QNG1: variants seen among roughly 807,000 people sequenced by gnomAD.
QNG1 encodes queuosine 5'-phosphate N-glycosylase/hydrolase.
At chr9:83,956,036 G>T in the QNG1 span, 1 of 852,862 alleles carries the variant, frequency 1.2e-6, no homozygotes, top group Non-Finnish European at 1.8e-6. Flanking sequence ...ATAAGGACTT[G>T]CAACGAACTT....
chr9:83,955,251 T>C, the QNG1 span: 1 of 922,448 alleles, frequency 1.1e-6, no homozygotes, highest in South Asian at 1.8e-5. Flanking sequence ...CACTACTTGA[T>C]TTTGTTAGTT....
the QNG1 span, among the ~76,000 whole-genome samples, chr9:83,954,363 G>A: frequency 6.6e-6 from 1 of 152,190 alleles, no homozygotes; most frequent in East Asian, 1.9e-4. Flanking sequence ...AGGAAGTAAA[G>A]AATGAAATAT....
At chr9:83,943,126 G>A in the QNG1 span, among the ~76,000 whole-genome samples, 1 of 151,998 alleles carries the variant, frequency 6.6e-6, no homozygotes, top group Non-Finnish European at 1.5e-5. Flanking sequence ...TGGATCATGA[G>A]GTCAGGAGTT....
At chr9:83,952,477 T>C in the QNG1 span, among the ~76,000 whole-genome samples, 2 of 152,162 alleles carry the variant, frequency 1.3e-5, no homozygotes, top group East Asian at 1.9e-4. Flanking sequence ...CTGGCCAATA[T>C]GGTGAAACCC....
chr9:83,941,186 T>C, the QNG1 span, among the ~76,000 whole-genome samples: 1 of 152,200 alleles, frequency 6.6e-6, no homozygotes, highest in Non-Finnish European at 1.5e-5. Flanking sequence ...GGATCATAAA[T>C]GTCTGTTGTT....
chr9:83,947,839 C>T, the QNG1 span, among the ~76,000 whole-genome samples: 1 of 152,182 alleles, frequency 6.6e-6, no homozygotes, highest in South Asian at 2.1e-4. Flanking sequence ...GGCTAGAGTG[C>T]AGTAGCGTGA....
chr9:83,946,903 A>C, the QNG1 span, among the ~76,000 whole-genome samples: 1 of 151,748 alleles, frequency 6.6e-6, no homozygotes, highest in Non-Finnish European at 1.5e-5. Context: ...CTGGCCTACA[A>C]ATTTTTTTTT....
chr9:83,952,388 G>A, the QNG1 span, among the ~76,000 whole-genome samples: 2 of 152,202 alleles, frequency 1.3e-5, no homozygotes, highest in Non-Finnish European at 2.9e-5. Flanking sequence ...TAGGTCAGGC[G>A]CTGTGGCTCA....
the QNG1 span, chr9:83,939,536 T>C: frequency 1.9e-6 from 3 of 1,613,462 alleles, no homozygotes; most frequent in Non-Finnish European, 2.5e-6. Flanking sequence ...ACGTATGCGA[T>C]GAAACGGAAT....
At chr9:83,953,220 A>G in the QNG1 span, among the ~76,000 whole-genome samples, 1 of 152,228 alleles carries the variant, frequency 6.6e-6, no homozygotes, top group Non-Finnish European at 1.5e-5. Context: ...GTGAGCCAAG[A>G]TACTGCCACT....
chr9:83,953,707 G>T, the QNG1 span: 1 of 896,128 alleles, frequency 1.1e-6, no homozygotes, highest in South Asian at 1.5e-5. Context: ...ACCCAGGCTG[G>T]AGTGCGGTGG....
the QNG1 span, chr9:83,939,876 G>A: frequency 1.5e-6 from 1 of 652,290 alleles, no homozygotes; most frequent in Non-Finnish European, 2.6e-6. Context: ...GTTATTTTTG[G>A]TAATTTAAAT....
At chr9:83,947,125 T>C in the QNG1 span, among the ~76,000 whole-genome samples, 1 of 152,162 alleles carries the variant, frequency 6.6e-6, no homozygotes, top group African/African-American at 2.4e-5. Context: ...GCCTAGATTA[T>C]GGAAAAACAT....
At chr9:83,941,577 T>G in the QNG1 span, among the ~76,000 whole-genome samples, 865 of 151,670 alleles carry the variant, frequency 5.7e-3, 1 homozygote, top group Non-Finnish European at 8.5e-3. Flanking sequence ...GGTGACAGAG[T>G]AAGACCCTGT....
the QNG1 span, among the ~76,000 whole-genome samples, chr9:83,954,345 G>GA: frequency 1.6e-4 from 24 of 150,910 alleles, no homozygotes; most frequent in Admixed American, 4.0e-4. Flanking sequence ...ATTTTAAAAG[G>GA]AAAAAAAAGG....
At chr9:83,942,291 G>A in the QNG1 span, among the ~76,000 whole-genome samples, 1 of 152,238 alleles carries the variant, frequency 6.6e-6, no homozygotes, top group Admixed American at 6.5e-5. Flanking sequence ...TAGAGTCAGG[G>A]AAGGTAATAT....
At chr9:83,954,836 C>A in the QNG1 span, among the ~76,000 whole-genome samples, 3 of 137,318 alleles carry the variant, frequency 2.2e-5, no homozygotes, top group Non-Finnish European at 4.6e-5. Context: ...GCCAAGATCG[C>A]GCCACTGCAC....
chr9:83,943,533 T>C, the QNG1 span, among the ~76,000 whole-genome samples: 1 of 152,048 alleles, frequency 6.6e-6, no homozygotes, highest in Non-Finnish European at 1.5e-5. Flanking sequence ...GACATGGGCA[T>C]GATGACAAAA....
chr9:83,955,620 AGGCACTAGTTATT>A, the QNG1 span: 3 of 1,613,272 alleles, frequency 1.9e-6, no homozygotes, highest in Non-Finnish European at 2.5e-6. Context: ...GCGTAGTACG[AGGCACTAGTTATT>A]GGTATCCCTT....
Sources: gnomAD v4.1 joint callset for allele counts (sites outside exome capture counted in the v4.1 genomes callset) on GRCh38, gnomAD v4.1.1 for gene constraint, MANE v1.5 for transcripts, NCBI Gene and HGNC (gene_info 2026-07-23, HGNC 2026-07-21) for gene names.